The following FAM228A variants were observed in gnomAD, a reference collection of about 807,000 sequenced individuals.
FAM228A encodes family with sequence similarity 228 member A, also known as protein FAM228A.
Under a neutral mutation model 18.6 loss-of-function variants are expected in FAM228A, and 13 were observed. The observed-to-expected ratio is 0.70, with a 90% CI of 0.45 to 1.11. The LOEUF is 1.11. FAM228A is among the 50% of genes least tolerant of loss of function. FAM228A has a pLI of 0.00. For synonymous variants in FAM228A, 77 were observed against 86.6 expected (o/e 0.89, Z 0.61); for missense variants, 240 against 242.2 (o/e 0.99, Z 0.06).
chr2:24,179,358 T>A, intron 3 of FAM228A: 1 of 301,904 alleles, frequency 3.3e-6, no homozygotes, highest in Non-Finnish European at 5.4e-6. Context: ...ACAATTTCAC[T>A]GGTTATACAA....
rs1019057020 is a variant in FAM228A at position 24,175,739 on chromosome 2, C to G, written c.93+166C>G. 3.6e-5 allele frequency: 27 copies of G among 746,938 alleles called. No homozygotes were observed. In the African/African-American group the frequency reaches 3.9e-4, roughly 11 times the overall value. The allele number at this position is 746,938 out of a possible 1,614,324, so 46.3% of individuals were successfully genotyped here. Reference sequence around the variant, plus strand: ...GCTCAGATTTGGCCGAGAGTGTGGCCAAGAGTGTTTCCAGTCGCCAGCCTG... The same window carrying G: ...GCTCAGATTTGGCCGAGAGTGTGGCGAAGAGTGTTTCCAGTCGCCAGCCTG... On this transcript the variant is annotated intron_variant, in intron 2 of 5. Coordinates refer to ENST00000295150, the MANE Select transcript of FAM228A (RefSeq NM_001040710.3).
intron 5 of FAM228A, among the ~76,000 whole-genome samples, chr2:24,187,248 T>TAAGA (rs1667970501): frequency 6.6e-6 from 1 of 152,254 alleles, no homozygotes; most frequent in African/African-American, 2.4e-5. Context: ...CTGTTTGCTT[T>TAAGA]AAGACATCTT....
At chr2:24,187,373 A>G (rs983970816) in intron 5 of FAM228A, among the ~76,000 whole-genome samples, 3 of 152,176 alleles carry the variant, frequency 2.0e-5, no homozygotes, top group Non-Finnish European at 4.4e-5. Context: ...CCCCCAACAA[A>G]CACAACCTCC....
At chr2:24,182,087 T>C (rs1326790404) in intron 3 of FAM228A, among the ~76,000 whole-genome samples, 1 of 152,122 alleles carries the variant, frequency 6.6e-6, no homozygotes, top group Non-Finnish European at 1.5e-5. Context: ...CTACTGGAGA[T>C]ACAGGAAGGA....
chr2:24,175,659 T>A (rs1667664318), intron 2 of FAM228A, 86 bp downstream of exon 2: 1 of 1,037,880 alleles, frequency 9.6e-7, no homozygotes, highest in Non-Finnish European at 1.5e-6. Context: ...TCGCTTCTGT[T>A]CTCAGGATTG....
In FAM228A at chr2:24,190,996, A is replaced by C. The variant is rs1668071995; in HGVS notation, c.*365A>C. On this transcript the variant is annotated 3_prime_UTR_variant, in exon 6 of 6. Transcript: ENST00000295150. ...CTGCACCAAAGATGGTGTTCTCCTT[A>C]GTCCACACACAACTGGTGGGAAGTT... 2.9e-6 allele frequency: 3 copies of C among 1,023,070 alleles called. No individual in the cohort carries two copies. The highest frequency in any genetic ancestry group is 1.6e-4 in the East Asian group (2 of 12,126). 63.4% of individuals were successfully genotyped at this position (1,023,070 alleles called of 1,614,324 possible). A position where few individuals can be genotyped will look rare whatever the true frequency, so the allele number is the denominator to read the frequency against.
At chr2:24,175,735 T>G in intron 2 of FAM228A, 162 bp downstream of exon 2, 2 of 721,950 alleles carry the variant, frequency 2.8e-6, no homozygotes, top group Non-Finnish European at 2.2e-6. Context: ...GCCGAGAGTG[T>G]GGCCAAGAGT....
At chr2:24,190,383 G>A (rs1193441513) in intron 5 of FAM228A, 29 bp from the exon 6 acceptor site, 6 of 1,570,742 alleles carry the variant, frequency 3.8e-6, no homozygotes, top group African/African-American at 1.4e-5. Flanking sequence ...GTGCTGAATC[G>A]AGACAATTTT....
Position 24,190,710 on chromosome 2 carries a change from G to A in FAM228A, c.*79G>A. On this transcript the variant is annotated 3_prime_UTR_variant, in exon 6 of 6. Coordinates refer to ENST00000295150, the MANE Select transcript of FAM228A (RefSeq NM_001040710.3). ...GGCCCAAGAAGAAGGGTGTGAAGAGGAGGAGGGAGAAATGGCGGTGGCCTC... is the reference window on the plus strand; with the variant it reads ...GGCCCAAGAAGAAGGGTGTGAAGAGAAGGAGGGAGAAATGGCGGTGGCCTC... 1 of 1,449,822 alleles carries A rather than the reference G, an allele frequency of 6.9e-7. No homozygotes were observed. The highest frequency in any genetic ancestry group is 9.1e-7 in the Non-Finnish European group (1 of 1,099,896). The allele number at this position is 1,449,822 out of a possible 1,614,324, so 89.8% of individuals were successfully genotyped here.
At chr2:24,175,636 G>A (rs183755517) in intron 2 of FAM228A, 63 bp downstream of exon 2, 151 of 1,232,384 alleles carry the variant, frequency 1.2e-4, no homozygotes, top group Admixed American at 1.1e-3. Flanking sequence ...TTTGGGAACT[G>A]TTTATCTTAA....
At chr2:24,190,315 T>G (rs1213402498) in intron 5 of FAM228A, 97 bp from the exon 6 acceptor site, 1 of 1,381,198 alleles carries the variant, frequency 7.2e-7, no homozygotes, top group African/African-American at 1.5e-5. Context: ...TTCTCAAAAG[T>G]GACGATTGAG....
intron 2 of FAM228A, chr2:24,175,827 G>C: frequency 8.9e-7 from 1 of 1,127,550 alleles, no homozygotes; most frequent in South Asian, 1.8e-5. Flanking sequence ...CCAGCTCCCC[G>C]GCAGAAGCCA....
intron 5 of FAM228A, among the ~76,000 whole-genome samples, chr2:24,186,783 C>T (rs149885473): frequency 1.6e-3 from 237 of 151,946 alleles, no homozygotes; most frequent in African/African-American, 5.4e-3. Context: ...GGATTATAGG[C>T]GCCCACCACC....
intron 5 of FAM228A, chr2:24,188,761 T>G (rs920847667): frequency 1.6e-6 from 1 of 640,314 alleles, no homozygotes. Flanking sequence ...TGTCCAGTGA[T>G]TTTAAAATTC....
At chr2:24,183,777 G>T (rs923273207) in intron 5 of FAM228A, 132 bp downstream of exon 5, 7 of 753,542 alleles carry the variant, frequency 9.3e-6, no homozygotes, top group Non-Finnish European at 1.5e-5. Context: ...CATCACCTTT[G>T]TATTATGAAA....
At chr2:24,175,265 C>A in intron 1 of FAM228A, 91 bp downstream of exon 1, 1 of 549,368 alleles carries the variant, frequency 1.8e-6, no homozygotes, top group Non-Finnish European at 3.3e-6. Flanking sequence ...GAGGAAAGGC[C>A]CGCTTTGGCC....
At chr2:24,180,905 G>C (rs890368099) in intron 3 of FAM228A, among the ~76,000 whole-genome samples, 26 of 152,090 alleles carry the variant, frequency 1.7e-4, no homozygotes, top group African/African-American at 9.7e-5. Flanking sequence ...GGAAAGAGGT[G>C]GGGTATTTGG....
At chr2:24,176,123 A>G in intron 2 of FAM228A, 1 of 985,196 alleles carries the variant, frequency 1.0e-6, no homozygotes, top group Middle Eastern at 5.2e-4. Context: ...CAAAGACAAA[A>G]ACTGTTTAAT....
intron 3 of FAM228A, among the ~76,000 whole-genome samples, chr2:24,180,076 C>T (rs1026706414): frequency 6.6e-6 from 1 of 151,990 alleles, no homozygotes; most frequent in African/African-American, 2.4e-5. Flanking sequence ...GAATTTGGGT[C>T]TCTCTATTTG....
Sources: gnomAD v4.1 joint callset for allele counts (sites outside exome capture counted in the v4.1 genomes callset) on GRCh38, gnomAD v4.1.1 for gene constraint, MANE v1.5 for transcripts, NCBI Gene and HGNC (gene_info 2026-07-23, HGNC 2026-07-21) for gene names.